Variants in EPB41 observed in about 807,000 individuals in gnomAD.
EPB41 encodes erythrocyte membrane protein band 4.1, also known as protein 4.1.
In EPB41, 65 loss-of-function variants were observed where a neutral mutation model predicts 108.0. The observed-to-expected ratio is 0.60, with a 90% CI of 0.49 to 0.74. EPB41 has a LOEUF of 0.74. EPB41 is among the 30% of genes least tolerant of loss of function. The pLI is 0.00. For missense variants in EPB41, 875 were observed against 1,037.0 expected (o/e 0.84, Z 2.15); for synonymous variants, 336 against 358.9 (o/e 0.94, Z 0.72).
intron 1 of EPB41, among the ~76,000 whole-genome samples, chr1:28,968,639 C>T (rs757656541): frequency 6.6e-6 from 1 of 151,806 alleles, no homozygotes; most frequent in Non-Finnish European, 1.5e-5. Context: ...CAGTTTTTGC[C>T]GTTACTTTCA....
At position 28,987,450 on chromosome 1, in the gene EPB41, A is replaced by G. The variant is rs2095895134; in HGVS notation, c.13A>G (p.Lys5Glu). The change falls in exon 2 of 21, where the codon AAG (lysine) becomes GAG (glutamate). Residue 5 changes from lysine to glutamate, a missense_variant. Around this residue, in one of 3 missense-constraint regions of EPB41, gnomAD observed 353 missense variants for 393.2 expected, o/e 0.90. Coordinates refer to ENST00000343067, the MANE Select transcript of EPB41 (RefSeq NM_001376013.1). MTTE[K>E]SLVTEAENSQ... ...TAATAGCAACATCATGACAACAGAG[A>G]AGAGTTTAGTGACTGAGGCCGAAAA... The G allele has an allele frequency of 1.2e-6, 2 of 1,614,178 alleles. No homozygotes were observed. Among genetic ancestry groups the G allele is most frequent in the African/African-American group, 1.3e-5 (1 of 75,048 alleles).
chr1:29,051,290 C>T (rs535813927), intron 11 of EPB41, among the ~76,000 whole-genome samples: 1 of 150,272 alleles, frequency 6.7e-6, no homozygotes, highest in African/African-American at 2.4e-5. Context: ...GTAGAGACGA[C>T]GTTTCACCTT....
At chr1:28,932,453 A>C (rs1376742136) in intron 1 of EPB41, among the ~76,000 whole-genome samples, 1 of 150,074 alleles carries the variant, frequency 6.7e-6, no homozygotes, top group African/African-American at 2.4e-5. Flanking sequence ...CCAGGAGCCA[A>C]AGCTGCTGCT....
chr1:29,108,028 CAAAAA>C (rs1174568864), intron 17 of EPB41, among the ~76,000 whole-genome samples: 1 of 44,350 alleles, frequency 2.3e-5, no homozygotes, highest in Admixed American at 2.4e-4. Flanking sequence ...GACTCCATCT[CAAAAA>C]AAAAAAAAAA....
Position 28,987,601 on chromosome 1 carries a change from C to T in EPB41, c.164C>T (p.Ala55Val), listed in dbSNP as rs1366704991. The T allele has an allele frequency of 1.2e-6, 2 of 1,614,178 alleles. No homozygotes were observed. The highest frequency in any genetic ancestry group is 2.2e-5 in the South Asian group (2 of 91,084). Residue 55 changes from alanine to valine, a missense_variant, in exon 2 of 21, where the codon GCT becomes GTT. Coordinates refer to ENST00000343067, the MANE Select transcript of EPB41 (RefSeq NM_001376013.1). The part of the protein sequence containing the change: ...GDNWCEQKLK[A>V]SNGDTPTHED... Reference sequence around the variant, plus strand: ...AATTGGTGTGAACAGAAGCTGAAAGCTTCTAATGGAGACACTCCTACACAT... The same window carrying T: ...AATTGGTGTGAACAGAAGCTGAAAGTTTCTAATGGAGACACTCCTACACAT...
chr1:28,887,401 CTT>C lies in EPB41; in HGVS notation c.-8+192_-8+193del. The C allele has an allele frequency of 1.0e-6, 1 of 985,402 alleles. No homozygotes were observed. The highest frequency in any genetic ancestry group is 1.2e-6 in the Non-Finnish European group (1 of 829,910). 61.0% of individuals were successfully genotyped at this position (985,402 alleles called of 1,614,324 possible). A position where few individuals can be genotyped will look rare whatever the true frequency, so the allele number is the denominator to read the frequency against. ...TTGGGGTCCAAAGGAGTCTGGGCAT[CTT>C]AAAGTTCAGGGTGCAGGGAGGGGCG... is the stretch of plus-strand genomic sequence containing the variant. On this transcript the variant is annotated intron_variant, in intron 1 of 16. Transcript: ENST00000347529. This position sits in a 1 kb window ranked among gnomAD's most constrained non-coding sequence, Gnocchi z 4.9.
At chr1:29,025,151 G>C (rs2096703489) in intron 7 of EPB41, among the ~76,000 whole-genome samples, 1 of 151,926 alleles carries the variant, frequency 6.6e-6, no homozygotes, top group African/African-American at 2.4e-5. Context: ...AGCAAATCAA[G>C]CTTTAAAATT....
intron 1 of EPB41, among the ~76,000 whole-genome samples, chr1:28,971,160 TTTTTTTTCTTTC>T (rs1479408189): frequency 6.8e-6 from 1 of 146,372 alleles, no homozygotes; most frequent in Non-Finnish European, 1.5e-5. Flanking sequence ...ATTTAATCTT[TTTTTTTTCTTTC>T]TTTCTTTCTT....
chr1:29,000,029 A>G (rs189841963), intron 4 of EPB41, among the ~76,000 whole-genome samples: 2 of 152,288 alleles, frequency 1.3e-5, no homozygotes, highest in Admixed American at 6.5e-5. Flanking sequence ...GGCTCAAGCA[A>G]TCCTCCTGCC....
intron 1 of EPB41, among the ~76,000 whole-genome samples, chr1:28,981,295 T>C (rs1253734720): frequency 1.3e-5 from 2 of 152,148 alleles, no homozygotes; most frequent in Admixed American, 6.5e-5. Flanking sequence ...ACACAAAAGA[T>C]GGGAAAATTT....
At chr1:29,003,719 TC>T (rs2096347608) in intron 4 of EPB41, among the ~76,000 whole-genome samples, 1 of 152,210 alleles carries the variant, frequency 6.6e-6, no homozygotes, top group South Asian at 2.1e-4. Flanking sequence ...TGTTCCCTTT[TC>T]CTACTGACTG....
chr1:28,945,189 G>A (rs1328662821), intron 1 of EPB41, among the ~76,000 whole-genome samples: 3 of 151,584 alleles, frequency 2.0e-5, no homozygotes, highest in South Asian at 2.1e-4. Flanking sequence ...TACTAATAAT[G>A]ATATAAACTG....
intron 16 of EPB41, among the ~76,000 whole-genome samples, chr1:29,075,911 T>C (rs182578584): frequency 9.8e-5 from 15 of 152,314 alleles, no homozygotes; most frequent in Admixed American, 7.8e-4. Flanking sequence ...CTCTGCAATA[T>C]CATTTAGAGA....
intron 1 of EPB41, among the ~76,000 whole-genome samples, chr1:28,955,381 C>T (rs1268845694): frequency 4.0e-5 from 6 of 150,894 alleles, no homozygotes; most frequent in Non-Finnish European, 8.8e-5. Flanking sequence ...CTTACTTTGT[C>T]GCCAGGCTGG....
chr1:28,933,929 G>A (rs1399021017), intron 1 of EPB41, among the ~76,000 whole-genome samples: 2 of 152,068 alleles, frequency 1.3e-5, no homozygotes, highest in Admixed American at 6.6e-5. Context: ...TTTAACATTA[G>A]TAAACTGATA....
At chr1:28,976,698 G>C (rs1257584205) in intron 1 of EPB41, among the ~76,000 whole-genome samples, 1 of 92,974 alleles carries the variant, frequency 1.1e-5, no homozygotes, top group Non-Finnish European at 2.0e-5. Flanking sequence ...ATCTCCCCCT[G>C]CTGCCCTGTT....
Position 28,987,582 on chromosome 1 carries a change from T to C in EPB41, c.145T>C (p.Cys49Arg), listed in dbSNP as rs529527082. 23 of 1,613,996 alleles carry C rather than the reference T, an allele frequency of 1.4e-5. No individual in the cohort carries two copies. Among genetic ancestry groups the C allele is most frequent in the Non-Finnish European group, 1.9e-5 (22 of 1,180,028 alleles). Residue 49 changes from cysteine to arginine, a missense_variant, in exon 2 of 21, where the codon TGT (cysteine) becomes CGT (arginine). Cys to Arg is a radical substitution (Grantham distance 180, BLOSUM62 -3). Transcript: ENST00000343067. ...CQTAAEGDNW[C>R]EQKLKASNGD... is the part of the protein sequence containing the mutation. ...AACAGCAGCTGAAGGAGATAATTGG[T>C]GTGAACAGAAGCTGAAAGCTTCTAA...
At position 29,039,326 on chromosome 1, in the gene EPB41, G is replaced by T. The variant is rs1211853694; in HGVS notation, c.1536G>T (p.Arg512=). The change falls in exon 11 of 21, where the codon CGG becomes CGT. Residue 512 remains arginine (R), a synonymous_variant. Transcript: ENST00000343067. The part of the protein sequence containing the change: ...ALGSKFRYSG[R]TQAQTRQASA... ...GATCCAAATTTCGATACAGTGGCCGGACTCAAGCTCAGACCAGGCAAGCTA... is the reference window on the plus strand; with the variant it reads ...GATCCAAATTTCGATACAGTGGCCGTACTCAAGCTCAGACCAGGCAAGCTA... 1 of 1,614,098 alleles carries T rather than the reference G, an allele frequency of 6.2e-7. No individual in the cohort carries two copies. Among genetic ancestry groups the T allele is most frequent in the Non-Finnish European group, 8.5e-7 (1 of 1,180,028 alleles).
At chr1:29,011,057 G>GT (rs2096491133) in intron 4 of EPB41, among the ~76,000 whole-genome samples, 1 of 150,792 alleles carries the variant, frequency 6.6e-6, no homozygotes, top group Non-Finnish European at 1.5e-5. Context: ...GGCGGAGGTT[G>GT]CAGTGGGCTG....
Sources: gnomAD v4.1 joint callset for allele counts (sites outside exome capture counted in the v4.1 genomes callset) on GRCh38, gnomAD v4.1.1 for gene constraint, gnomAD v4.1.1 regional missense constraint, Gnocchi (gnomAD v3.1) non-coding constraint, MANE v1.5 for transcripts, NCBI Gene and HGNC (gene_info 2026-07-23, HGNC 2026-07-21) for gene names.